TNFSF4: variants seen among roughly 807,000 people sequenced by gnomAD.
TNFSF4 encodes the protein TNF superfamily member 4, also known as tumor necrosis factor ligand superfamily member 4.
Under a neutral mutation model 7.3 loss-of-function variants are expected in TNFSF4, and 4 were observed. That is an observed-to-expected ratio of 0.55 (90% confidence interval 0.27 to 1.25). TNFSF4 has a LOEUF of 1.25. Among genes scored for constraint, TNFSF4 ranks in the 50% most tolerant of loss-of-function variants. The pLI, the probability that TNFSF4 is intolerant of heterozygous loss-of-function variation, is 0.12. For missense variants in TNFSF4, 181 were observed against 208.8 expected (o/e 0.87, Z 0.82); for synonymous variants, 76 against 83.7 (o/e 0.91, Z 0.50).
chr1:173,250,621 G>A, the TNFSF4 span, among the ~76,000 whole-genome samples: 4 of 152,102 alleles, frequency 2.6e-5, no homozygotes, highest in Admixed American at 6.5e-5. Context: ...CACCACGCCC[G>A]GCTAAGTTTT....
chr1:173,356,328 A>C, the TNFSF4 span, among the ~76,000 whole-genome samples: 7 of 152,254 alleles, frequency 4.6e-5, no homozygotes, highest in Non-Finnish European at 8.8e-5. Context: ...AAGGGGTATT[A>C]GAATAAGAAG....
the TNFSF4 span, among the ~76,000 whole-genome samples, chr1:173,282,462 AT>A: frequency 0.029 from 4,302 of 146,408 alleles, 78 homozygotes; most frequent in Admixed American, 0.058. Context: ...CACAGTCTAA[AT>A]TTTTTTTTTT....
intron 1 of TNFSF4, among the ~76,000 whole-genome samples, chr1:173,197,670 G>A (rs765094703): frequency 6.6e-6 from 1 of 152,134 alleles, no homozygotes; most frequent in Non-Finnish European, 1.5e-5. Flanking sequence ...AACAACACTG[G>A]CGCCTGTTGC....
At chr1:173,345,388 G>A in the TNFSF4 span, among the ~76,000 whole-genome samples, 4 of 152,164 alleles carry the variant, frequency 2.6e-5, no homozygotes, top group Middle Eastern at 3.2e-3. Context: ...ATTTTATTCT[G>A]TAACCATTGC....
At chr1:173,391,420 A>G in the TNFSF4 span, among the ~76,000 whole-genome samples, 1 of 115,056 alleles carries the variant, frequency 8.7e-6, no homozygotes, top group African/African-American at 3.5e-5. Flanking sequence ...AGCATAGTCT[A>G]TCTTCCTTAG....
At chr1:173,215,280 T>A in the TNFSF4 span, among the ~76,000 whole-genome samples, 2 of 151,910 alleles carry the variant, frequency 1.3e-5, no homozygotes, top group Admixed American at 1.3e-4. Context: ...AGAAAATAAA[T>A]TATTGTTGTT....
chr1:173,214,220 C>G, the TNFSF4 span, among the ~76,000 whole-genome samples: 1 of 152,178 alleles, frequency 6.6e-6, no homozygotes, highest in East Asian at 1.9e-4. Flanking sequence ...ACAGTTGAGA[C>G]GAACTGAGGC....
the TNFSF4 span, among the ~76,000 whole-genome samples, chr1:173,426,244 A>G: frequency 2.0e-5 from 3 of 152,200 alleles, no homozygotes; most frequent in Admixed American, 2.0e-4. Flanking sequence ...CCTTAGTCAG[A>G]TATGGAAACT....
the TNFSF4 span, among the ~76,000 whole-genome samples, chr1:173,328,442 C>T: frequency 1.3e-5 from 2 of 151,550 alleles, no homozygotes; most frequent in Non-Finnish European, 2.9e-5. Context: ...TAACATGGCA[C>T]ATGTATACAT....
rs779229208 is a variant in TNFSF4 at position 173,207,227 on chromosome 1, C to T, written c.-51G>A. 22 of 1,537,380 alleles carry T rather than the reference C, an allele frequency of 1.4e-5. No individual in the cohort carries two copies. Among genetic ancestry groups the T allele is most frequent in the East Asian group, 9.3e-5 (4 of 43,182 alleles). ...TGAAGATATGGAAAAGGGGAACGTG[C>T]GATAAAACTGAAGTTTTCCCCAGAA... On this transcript the variant is annotated 5_prime_UTR_variant, in exon 1 of 3. Coordinates refer to ENST00000281834, the MANE Select transcript of TNFSF4 (RefSeq NM_003326.5).
At chr1:173,244,573 T>C in the TNFSF4 span, among the ~76,000 whole-genome samples, 78,145 of 140,484 alleles carry the variant, frequency 0.56, 23,305 homozygotes, top group African/African-American at 0.8. Context: ...ACCCGGGAGG[T>C]GGAGCTTGCA....
At chr1:173,332,142 G>C in the TNFSF4 span, among the ~76,000 whole-genome samples, 12 of 152,148 alleles carry the variant, frequency 7.9e-5, no homozygotes, top group African/African-American at 2.9e-4. Context: ...GGGGCCTAGG[G>C]ACATCTCCTA....
chr1:173,250,154 G>T, the TNFSF4 span, among the ~76,000 whole-genome samples: 3 of 152,028 alleles, frequency 2.0e-5, no homozygotes, highest in Non-Finnish European at 2.9e-5. Context: ...TATATATACG[G>T]CATCTAGTGA....
At chr1:173,302,888 A>G in the TNFSF4 span, among the ~76,000 whole-genome samples, 1 of 151,918 alleles carries the variant, frequency 6.6e-6, no homozygotes, top group African/African-American at 2.4e-5. Flanking sequence ...TTTGAAAAAC[A>G]GTTTTAAGAT....
chr1:173,358,582 A>C, the TNFSF4 span, among the ~76,000 whole-genome samples: 1 of 152,372 alleles, frequency 6.6e-6, no homozygotes, highest in East Asian at 1.9e-4. Context: ...AAATGCATAC[A>C]TATGTTCATT....
chr1:173,337,752 G>A, the TNFSF4 span, among the ~76,000 whole-genome samples: 3 of 152,186 alleles, frequency 2.0e-5, no homozygotes, highest in African/African-American at 7.2e-5. Flanking sequence ...TGGATTCATG[G>A]GTTGTGGCCA....
chr1:173,349,486 C>T, the TNFSF4 span, among the ~76,000 whole-genome samples: 10 of 152,288 alleles, frequency 6.6e-5, no homozygotes, highest in African/African-American at 2.2e-4. Context: ...AAGTAATGCA[C>T]TTCAGCTCTA....
intron 1 of TNFSF4, among the ~76,000 whole-genome samples, chr1:173,189,317 T>G (rs1649373177): frequency 6.6e-6 from 1 of 152,170 alleles, no homozygotes; most frequent in Non-Finnish European, 1.5e-5. Flanking sequence ...ACTCCCAGAA[T>G]GCACTGGGAG....
At chr1:173,273,440 A>C in the TNFSF4 span, among the ~76,000 whole-genome samples, 21 of 152,136 alleles carry the variant, frequency 1.4e-4, no homozygotes, top group African/African-American at 4.8e-4. Flanking sequence ...TTTTTGAAAT[A>C]GTTTTCTTTA....
Sources: gnomAD v4.1 joint callset for allele counts (sites outside exome capture counted in the v4.1 genomes callset) on GRCh38, gnomAD v4.1.1 for gene constraint, MANE v1.5 for transcripts, NCBI Gene and HGNC (gene_info 2026-07-23, HGNC 2026-07-21) for gene names.